The following CTNNB1 variants were observed in gnomAD, a reference collection of about 807,000 sequenced individuals.
CTNNB1 encodes the protein catenin beta-1.
In CTNNB1, 6 loss-of-function variants were observed where a neutral mutation model predicts 82.5. The observed-to-expected ratio is 0.07, with a 90% CI of 0.04 to 0.14. The LOEUF is 0.14. Ranked by LOEUF, CTNNB1 falls within the 10% of genes least tolerant of loss-of-function variation. CTNNB1 has a pLI of 1.00. For missense variants in CTNNB1, 529 were observed against 980.4 expected, an observed-to-expected ratio of 0.54 and a Z score of 6.15; for synonymous variants, 312 against 329.7, an observed-to-expected ratio of 0.95 and a Z score of 0.58.
At chr3:41,201,308 A>G (rs2077524582) in intron 1 of CTNNB1, among the ~76,000 whole-genome samples, 1 of 152,136 alleles carries the variant, frequency 6.6e-6, no homozygotes, top group Non-Finnish European at 1.5e-5. Context: ...GGCTGTGCGG[A>G]ATTTATTTTA....
chr3:41,236,326 T>G, intron 11 of CTNNB1, 23 bp from the exon 12 acceptor site: 1 of 1,614,050 alleles, frequency 6.2e-7, no homozygotes, highest in Non-Finnish European at 8.5e-7. Flanking sequence ...TTTAATTAGG[T>G]TTTGTTTGTG....
At chr3:41,217,419 A>G (rs1044798010) in intron 1 of CTNNB1, among the ~76,000 whole-genome samples, 1 of 152,234 alleles carries the variant, frequency 6.6e-6, no homozygotes, top group Non-Finnish European at 1.5e-5. Context: ...TTGTTATTGT[A>G]ATACCAGTAA....
chr3:41,220,677 A>G (rs1385478932), intron 1 of CTNNB1: 1 of 152,212 alleles, frequency 6.6e-6, no homozygotes, highest in Non-Finnish European at 1.5e-5. Context: ...TGCTTATGAA[A>G]TAGAGTAGCA....
At chr3:41,235,383 C>T (rs1305043068) in intron 10 of CTNNB1, 12 of 274,468 alleles carry the variant, frequency 4.4e-5, no homozygotes, top group East Asian at 8.2e-5. Context: ...AAAAGAAAAA[C>T]GTTGACATAG....
At chr3:41,229,642 G>A (rs997559758) in intron 7 of CTNNB1, among the ~76,000 whole-genome samples, 9 of 151,998 alleles carry the variant, frequency 5.9e-5, no homozygotes, top group Admixed American at 3.3e-4. Context: ...GAATCATATT[G>A]TTTGCAAACA....
At chr3:41,211,693 G>T (rs968107321) in intron 1 of CTNNB1, among the ~76,000 whole-genome samples, 58 of 152,146 alleles carry the variant, frequency 3.8e-4, no homozygotes, top group African/African-American at 1.4e-3. Flanking sequence ...TGCTACAAAG[G>T]ACATGATTTT....
At chr3:41,236,830 ATTTCTTC>A in intron 13 of CTNNB1, 121 bp downstream of exon 13, 13 of 1,350,440 alleles carry the variant, frequency 9.6e-6, no homozygotes, top group Non-Finnish European at 1.3e-5. Context: ...TGGCTTGAGT[ATTTCTTC>A]TTTATGCTGT....
At chr3:41,234,409 G>C in intron 10 of CTNNB1, 112 bp downstream of exon 10, 1 of 1,032,898 alleles carries the variant, frequency 9.7e-7, no homozygotes, top group Non-Finnish European at 1.5e-6. Flanking sequence ...TTCCTGAAGA[G>C]CTAATGACAA....
At chr3:41,215,892 T>G (rs978167902) in intron 1 of CTNNB1, among the ~76,000 whole-genome samples, 5 of 152,206 alleles carry the variant, frequency 3.3e-5, no homozygotes, top group Admixed American at 6.5e-5. Flanking sequence ...AAAGTTTTTT[T>G]GGGCTGTAGT....
In CTNNB1 at chr3:41,225,875, T is replaced by C. The variant is rs2125625046; in HGVS notation, c.936+14T>C. 6 of 1,607,344 alleles carry C rather than the reference T, an allele frequency of 3.7e-6. No individual in the cohort carries two copies. The highest frequency in any genetic ancestry group is 5.1e-6 in the Non-Finnish European group (6 of 1,175,248). ...CAAGAAAGCAAGGTAAGAGAATTAT[T>C]CTTTATGTGGTTTTCATGGAGCATT... is the stretch of plus-strand genomic sequence containing the variant. On this transcript the variant is annotated intron_variant, in intron 6 of 14. Coordinates refer to ENST00000349496, the MANE Select transcript of CTNNB1 (RefSeq NM_001904.4). The surrounding 1 kb of genome is among the most constrained non-coding windows in gnomAD (Gnocchi z 5.3).
At chr3:41,238,370 G>A in intron 14 of CTNNB1, 1 of 377,066 alleles carries the variant, frequency 2.7e-6, no homozygotes, top group Non-Finnish European at 4.9e-6. Context: ...TTTTTGGCCA[G>A]AGGACTCATA....
chr3:41,237,593 G>A (rs2078467984), intron 13 of CTNNB1: 1 of 168,918 alleles, frequency 5.9e-6, no homozygotes, highest in Non-Finnish European at 1.3e-5. Context: ...TGTCTTCTCT[G>A]TCTTAGTTAA....
In CTNNB1 at chr3:41,224,023, T is replaced by C; in HGVS notation, c.-46T>C. 2 of 1,603,792 alleles carry C rather than the reference T, an allele frequency of 1.2e-6. No homozygotes were observed. Among genetic ancestry groups the C allele is most frequent in the Non-Finnish European group, 1.7e-6 (2 of 1,170,748 alleles). ...GACTTTTGATTAACTTTTTTTAGGG[T>C]ATTTGAAGTATACCATACAACTGTT... On this transcript the variant is annotated splice_region_variant and 5_prime_UTR_variant, in exon 2 of 15. Transcript: ENST00000349496.
chr3:41,216,997 A>G (rs1433289208), intron 1 of CTNNB1, among the ~76,000 whole-genome samples: 4 of 152,122 alleles, frequency 2.6e-5, no homozygotes, highest in Non-Finnish European at 5.9e-5. Flanking sequence ...AGTGAATTTT[A>G]GAAAGCCTAA....
intron 11 of CTNNB1, chr3:41,236,111 T>C: frequency 1.4e-6 from 1 of 702,998 alleles, no homozygotes; most frequent in Non-Finnish European, 2.4e-6. Flanking sequence ...ATTCTGGGTT[T>C]TCCAAATCTT....
At chr3:41,203,035 CT>C (rs34745712) in intron 1 of CTNNB1, among the ~76,000 whole-genome samples, 7,847 of 136,616 alleles carry the variant, frequency 0.057, 459 homozygotes, top group African/African-American at 0.15. Flanking sequence ...GGTTTAGCCA[CT>C]TTTTTTTTTT....
intron 1 of CTNNB1, among the ~76,000 whole-genome samples, chr3:41,210,149 T>C (rs878988643): frequency 1.3e-5 from 2 of 152,180 alleles, no homozygotes; most frequent in Admixed American, 6.5e-5. Flanking sequence ...CTTTTAGCTT[T>C]TTTGTTGAAA....
intron 1 of CTNNB1, among the ~76,000 whole-genome samples, chr3:41,212,121 T>G (rs1363306001): frequency 5.9e-5 from 9 of 152,238 alleles, no homozygotes; most frequent in Non-Finnish European, 1.2e-4. Flanking sequence ...CATTGAGATC[T>G]TCCTTGTTGA....
rs2125621179 is a variant in CTNNB1 at position 41,225,186 on chromosome 3, A to C, written c.474A>C (p.Lys158Asn). Residue 158 changes from lysine (K) to asparagine (N), a missense_variant, in exon 4 of 15, where the codon AAA (lysine) becomes AAC (asparagine). This residue lies in a region of CTNNB1 where 411 missense variants were observed against 776.4 expected (regional missense o/e 0.53). Transcript: ENST00000349496. This position sits in a 1 kb window ranked among gnomAD's most constrained non-coding sequence, Gnocchi z 5.3. ...LATRAIPELT[K>N]LLNDEDQVVV... is the part of the protein sequence containing the mutation. ...CACGTGCAATCCCTGAACTGACAAA[A>C]CTGCTAAATGACGAGGACCAGGTAA... is the stretch of plus-strand genomic sequence containing the variant. 6.2e-7 allele frequency: 1 copy of C among 1,614,060 alleles called. No homozygotes were observed. Among genetic ancestry groups the C allele is most frequent in the Non-Finnish European group, 8.5e-7 (1 of 1,179,970 alleles).
Sources: gnomAD v4.1 joint callset for allele counts (sites outside exome capture counted in the v4.1 genomes callset) on GRCh38, gnomAD v4.1.1 for gene constraint, gnomAD v4.1.1 regional missense constraint, Gnocchi (gnomAD v3.1) non-coding constraint, MANE v1.5 for transcripts, NCBI Gene and HGNC (gene_info 2026-07-23, HGNC 2026-07-21) for gene names.